CHRM2: variants seen among roughly 807,000 people sequenced by gnomAD.
CHRM2 encodes the protein muscarinic acetylcholine receptor M2.
In CHRM2, 8 loss-of-function variants were observed where a neutral mutation model predicts 25.0. The observed-to-expected ratio is 0.32, with a 90% CI of 0.19 to 0.58. The LOEUF (loss-of-function observed/expected upper bound fraction) is 0.58, where lower values mean the gene tolerates loss of function less well. Among genes scored for constraint, CHRM2 ranks in the 20% least tolerant of loss-of-function variants. The pLI is 0.88. For synonymous variants in CHRM2, 202 were observed against 205.7 expected, an observed-to-expected ratio of 0.98 and a Z score of 0.15; for missense variants, 440 against 567.1, an observed-to-expected ratio of 0.78 and a Z score of 2.28.
intron 2 of CHRM2, among the ~76,000 whole-genome samples, chr7:136,978,182 C>T (rs987688527): frequency 2.6e-5 from 4 of 152,062 alleles, no homozygotes; most frequent in South Asian, 2.1e-4. Flanking sequence ...AACATACCCA[C>T]GCAATAAATC....
intron 2 of CHRM2, among the ~76,000 whole-genome samples, chr7:136,919,990 C>T (rs898753764): frequency 2.6e-5 from 4 of 151,964 alleles, no homozygotes; most frequent in African/African-American, 9.7e-5. Flanking sequence ...GGATTTCATA[C>T]TACTTCAAAA....
At chr7:136,975,937 T>C (rs965090473) in intron 2 of CHRM2, among the ~76,000 whole-genome samples, 1 of 152,204 alleles carries the variant, frequency 6.6e-6, no homozygotes, top group Non-Finnish European at 1.5e-5. Context: ...TATTCAGATA[T>C]GTCTATGTGA....
At chr7:136,888,121 TC>T (rs1202801275) in intron 2 of CHRM2, among the ~76,000 whole-genome samples, 1 of 152,250 alleles carries the variant, frequency 6.6e-6, no homozygotes, top group African/African-American at 2.4e-5. Context: ...TTTGCTTCTT[TC>T]CCCTGGCTCT....
chr7:136,910,585 T>C (rs143887337), intron 2 of CHRM2, among the ~76,000 whole-genome samples: 85 of 152,020 alleles, frequency 5.6e-4, no homozygotes, highest in African/African-American at 2.0e-3. Context: ...AGGGAGGACA[T>C]AAAAAGGAAC....
chr7:136,983,184 A>T (rs900863813), intron 2 of CHRM2, among the ~76,000 whole-genome samples: 5 of 151,564 alleles, frequency 3.3e-5, no homozygotes, highest in Non-Finnish European at 7.4e-5. Flanking sequence ...GCTTTTTTTT[A>T]TTAAGTTGAT....
intron 2 of CHRM2, chr7:136,903,237 T>C (rs1264924159): frequency 1.9e-6 from 1 of 534,274 alleles, no homozygotes; most frequent in Non-Finnish European, 3.8e-6. Context: ...AGTTTAGAGA[T>C]GCACCAACCT....
chr7:136,983,637 T>A (rs1802639351), intron 2 of CHRM2, among the ~76,000 whole-genome samples: 1 of 152,176 alleles, frequency 6.6e-6, no homozygotes, highest in Non-Finnish European at 1.5e-5. Context: ...TACTTTTTGT[T>A]TATGTTGATG....
At chr7:136,952,616 T>A (rs959051268) in intron 2 of CHRM2, among the ~76,000 whole-genome samples, 2 of 152,088 alleles carry the variant, frequency 1.3e-5, no homozygotes, top group African/African-American at 4.8e-5. Flanking sequence ...TGCAGGTTTT[T>A]TGCATAGATA....
intron 2 of CHRM2, among the ~76,000 whole-genome samples, chr7:136,880,000 GCTT>G (rs1022007957): frequency 6.6e-6 from 1 of 150,610 alleles, no homozygotes; most frequent in Non-Finnish European, 1.5e-5. Context: ...GCTTATTCTA[GCTT>G]CTTCATCACA....
At position 137,015,902 on chromosome 7, in the gene CHRM2, T is replaced by C. The variant is rs892873306; in HGVS notation, c.1037T>C (p.Val346Ala). 3 of 1,612,834 alleles carry C rather than the reference T, an allele frequency of 1.9e-6. No homozygotes were observed. Among genetic ancestry groups the C allele is most frequent in the South Asian group, 2.2e-5 (2 of 91,024 alleles). ...ACCCCAACTAATACCACCGTGGAGG[T>C]AGTGGGGTCTTCAGGTCAGAATGGA... ...SCTPTNTTVEVVGSSGQNGDE... is the reference protein window; with the variant it reads ...SCTPTNTTVEAVGSSGQNGDE... The change falls in exon 4 of 4, where the codon GTA (valine) becomes GCA (alanine). Residue 346 changes from valine to alanine, a missense_variant. Coordinates refer to ENST00000680005, the MANE Select transcript of CHRM2 (RefSeq NM_001006630.2). The surrounding 1 kb of genome is among the most constrained non-coding windows in gnomAD (Gnocchi z 5.1).
At chr7:136,882,765 G>A (rs1345175561) in intron 2 of CHRM2, among the ~76,000 whole-genome samples, 1 of 152,028 alleles carries the variant, frequency 6.6e-6, no homozygotes, top group Non-Finnish European at 1.5e-5. Context: ...TAGGTATATA[G>A]TAATATTATT....
At chr7:136,960,093 C>A (rs1275297169) in intron 2 of CHRM2, among the ~76,000 whole-genome samples, 1 of 152,010 alleles carries the variant, frequency 6.6e-6, no homozygotes. Context: ...GAACTGGGCA[C>A]CAAGCAAGCT....
intron 2 of CHRM2, among the ~76,000 whole-genome samples, chr7:136,895,629 C>T (rs1796863212): frequency 6.6e-6 from 1 of 152,142 alleles, no homozygotes; most frequent in Non-Finnish European, 1.5e-5. Context: ...TTATCCATCT[C>T]CTCTCTCTTT....
At chr7:137,012,598 G>T (rs1036711066) in intron 3 of CHRM2, among the ~76,000 whole-genome samples, 1 of 151,820 alleles carries the variant, frequency 6.6e-6, no homozygotes, top group Non-Finnish European at 1.5e-5. Flanking sequence ...AGCAATGCCA[G>T]GACACAAATA....
In CHRM2 at chr7:137,013,811, T is replaced by C. The variant is rs77106740; in HGVS notation, c.-46-1009T>C. On this transcript the variant is annotated intron_variant, in intron 3 of 3. Transcript: ENST00000680005. ...CCAGGCAGAGACCTTGTTTTAATCA[T>C]CATTGAACGTCCAGAACACCTAATT... 7.9e-5 allele frequency among the ~76,000 whole-genome samples: 12 copies of C among 152,148 alleles called. No homozygotes were observed. The East Asian group carries it at 1.7e-3, about 22-fold the overall frequency.
intron 2 of CHRM2, among the ~76,000 whole-genome samples, chr7:136,940,595 G>A (rs1297784657): frequency 6.6e-6 from 1 of 152,092 alleles, no homozygotes; most frequent in Non-Finnish European, 1.5e-5. Context: ...TATTAATTCT[G>A]AATCACAAAC....
intron 2 of CHRM2, among the ~76,000 whole-genome samples, chr7:136,920,446 G>C (rs191324122): frequency 9.0e-4 from 137 of 152,186 alleles, no homozygotes; most frequent in Non-Finnish European, 1.5e-3. Flanking sequence ...GTGATGAGTG[G>C]AGCTCATCAG....
chr7:136,890,222 C>T (rs1796638549), intron 2 of CHRM2, among the ~76,000 whole-genome samples: 1 of 152,116 alleles, frequency 6.6e-6, no homozygotes, highest in Non-Finnish European at 1.5e-5. Context: ...GACTTGTATC[C>T]TGAAGGTAAC....
At chr7:136,965,598 T>TA (rs1801365256) in intron 2 of CHRM2, among the ~76,000 whole-genome samples, 1 of 151,940 alleles carries the variant, frequency 6.6e-6, no homozygotes, top group African/African-American at 2.4e-5. Context: ...GGTCTAGAAA[T>TA]AAATGACACT....
Sources: gnomAD v4.1 joint callset for allele counts (sites outside exome capture counted in the v4.1 genomes callset) on GRCh38, gnomAD v4.1.1 for gene constraint, Gnocchi (gnomAD v3.1) non-coding constraint, MANE v1.5 for transcripts, NCBI Gene and HGNC (gene_info 2026-07-23, HGNC 2026-07-21) for gene names.